Variants in RHOQ observed in about 807,000 individuals in gnomAD.
RHOQ encodes the protein ras homolog family member Q, also known as rho-related GTP-binding protein RhoQ.
In RHOQ, 7 loss-of-function variants were observed where a neutral mutation model predicts 25.8. The ratio of observed to expected loss-of-function variants is 0.27; its 90% CI spans 0.15 to 0.51. The LOEUF (loss-of-function observed/expected upper bound fraction) is 0.51, where lower values mean the gene tolerates loss of function less well. RHOQ is among the 20% of genes least tolerant of loss of function. RHOQ has a pLI of 0.97. For missense variants in RHOQ, 165 were observed against 260.6 expected, an observed-to-expected ratio of 0.63 and a Z score of 2.53; for synonymous variants, 97 against 98.6, an observed-to-expected ratio of 0.98 and a Z score of 0.10.
At chr2:46,567,383 TTTCTTTTTC>T (rs927785014) in intron 2 of RHOQ, among the ~76,000 whole-genome samples, 32 of 152,138 alleles carry the variant, frequency 2.1e-4, no homozygotes, top group African/African-American at 7.2e-4. Context: ...ATGTTTGTTT[TTTCTTTTTC>T]TTCTTTTTTT....
In RHOQ at chr2:46,583,775, C is replaced by A. The variant is rs889865713; in HGVS notation, c.*2692C>A. ...ACTAGTGAAATATCTGGGAAATAAA[C>A]TGCTTCAAAAATATTTTACTGACAT... On this transcript the variant is annotated 3_prime_UTR_variant, in exon 5 of 5. Transcript: ENST00000238738. 5.9e-5 allele frequency among the ~76,000 whole-genome samples: 9 copies of A among 152,110 alleles called. No individual in the cohort carries two copies. Among genetic ancestry groups the A allele is most frequent in the African/African-American group, 2.2e-4 (9 of 41,440 alleles).
intron 1 of RHOQ, 138 bp downstream of exon 1, chr2:46,543,326 C>T: frequency 2.2e-6 from 2 of 911,102 alleles, no homozygotes; most frequent in East Asian, 2.7e-5. Flanking sequence ...AGGCGGCCGG[C>T]CCCACCCCCG....
At chr2:46,553,252 A>C (rs1668297020) in intron 2 of RHOQ, among the ~76,000 whole-genome samples, 1 of 150,416 alleles carries the variant, frequency 6.6e-6, no homozygotes, top group Non-Finnish European at 1.5e-5. Context: ...CCTCCCTACC[A>C]CATCCACCGC....
At chr2:46,564,538 G>A (rs572671182) in intron 2 of RHOQ, among the ~76,000 whole-genome samples, 8 of 152,286 alleles carry the variant, frequency 5.3e-5, no homozygotes, top group South Asian at 2.1e-4. Flanking sequence ...CACTGTATGC[G>A]TTTATTTGGC....
intron 2 of RHOQ, among the ~76,000 whole-genome samples, chr2:46,544,371 C>G (rs1483375223): frequency 6.6e-6 from 1 of 152,194 alleles, no homozygotes; most frequent in Non-Finnish European, 1.5e-5. Context: ...AAACAACAAC[C>G]ATGTAGCCAC....
chr2:46,561,046 C>T (rs951621249), intron 2 of RHOQ, among the ~76,000 whole-genome samples: 1 of 146,720 alleles, frequency 6.8e-6, no homozygotes, highest in African/African-American at 2.5e-5. Flanking sequence ...ACACACAAAA[C>T]CTGTATATAG....
intron 2 of RHOQ, among the ~76,000 whole-genome samples, chr2:46,574,549 G>A (rs541932731): frequency 2.0e-5 from 3 of 152,118 alleles, no homozygotes; most frequent in South Asian, 4.2e-4. Context: ...TAACACCAGG[G>A]CACTGCTTTA....
chr2:46,549,545 C>A (rs1668175843), intron 2 of RHOQ, among the ~76,000 whole-genome samples: 1 of 152,172 alleles, frequency 6.6e-6, no homozygotes, highest in African/African-American at 2.4e-5. Context: ...GAGAGGGACG[C>A]AGTTACAAAG....
chr2:46,572,908 T>C (rs374599360), intron 2 of RHOQ: 95 of 361,176 alleles, frequency 2.6e-4, no homozygotes, highest in African/African-American at 1.9e-3. Flanking sequence ...TCATATTAAA[T>C]TCACACAGGA....
intron 2 of RHOQ, among the ~76,000 whole-genome samples, chr2:46,547,984 A>G (rs1668126070): frequency 6.6e-6 from 1 of 152,182 alleles, no homozygotes; most frequent in African/African-American, 2.4e-5. Flanking sequence ...ACTGAAGCCC[A>G]GTTTATTCAG....
chr2:46,550,102 A>T (rs1668196009), intron 2 of RHOQ, among the ~76,000 whole-genome samples: 2 of 152,028 alleles, frequency 1.3e-5, no homozygotes, highest in African/African-American at 2.4e-5. Flanking sequence ...GTGGTAATGC[A>T]TGCCTCTGTA....
chr2:46,546,688 A>G (rs1473504926), intron 2 of RHOQ, among the ~76,000 whole-genome samples: 2 of 151,562 alleles, frequency 1.3e-5, no homozygotes. Flanking sequence ...TAGAATCTGC[A>G]TTACAAGGTC....
At position 46,576,348 on chromosome 2, in the gene RHOQ, G is replaced by T. The variant is rs1572756980; in HGVS notation, c.366+97G>T. The T allele has an allele frequency of 8.9e-7, 1 of 1,123,328 alleles. No homozygotes were observed. The highest frequency in any genetic ancestry group is 1.3e-6 in the Non-Finnish European group (1 of 780,666). The allele number at this position is 1,123,328 out of a possible 1,614,324, so 69.6% of individuals were successfully genotyped here. ...ACAGTCCCAAAGCTGAGCAAATGAT[G>T]TAAGTGTTTAATCTCAGCTGCAAGT... On this transcript the variant is annotated intron_variant, in intron 3 of 4. Transcript: ENST00000238738. The surrounding 1 kb of genome is among the most constrained non-coding windows in gnomAD (Gnocchi z 5.1).
chr2:46,557,447 G>A (rs775752737), intron 2 of RHOQ, among the ~76,000 whole-genome samples: 23 of 152,044 alleles, frequency 1.5e-4, no homozygotes, highest in Middle Eastern at 6.8e-3. Flanking sequence ...GAAAAAGCAG[G>A]AATCAAAACC....
intron 2 of RHOQ, among the ~76,000 whole-genome samples, chr2:46,567,395 CTT>C (rs939218964): frequency 6.9e-6 from 1 of 145,500 alleles, no homozygotes; most frequent in Admixed American, 6.8e-5. Context: ...TCTTTTTCTT[CTT>C]TTTTTTTTTT....
intron 2 of RHOQ, among the ~76,000 whole-genome samples, chr2:46,547,988 T>A (rs1196464726): frequency 6.6e-6 from 1 of 152,200 alleles, no homozygotes; most frequent in African/African-American, 2.4e-5. Context: ...AAGCCCAGTT[T>A]ATTCAGGTCC....
Position 46,566,008 on chromosome 2 carries a change from G to T in RHOQ, c.202-10079G>T, listed in dbSNP as rs867311967. Among the ~76,000 whole-genome samples the T allele has an allele frequency of 6.6e-6, 1 of 152,196 alleles. No individual in the cohort carries two copies. The highest frequency in any genetic ancestry group is 1.5e-5 in the Non-Finnish European group (1 of 68,044). ...AGACTCAAGCCTGGAAGATGAGTAG[G>T]AGCTCCCAGGTGAAGAAATACGGAG... On this transcript the variant is annotated intron_variant, in intron 2 of 4. Coordinates refer to ENST00000238738, the MANE Select transcript of RHOQ (RefSeq NM_012249.4). The surrounding 1 kb of genome is among the most constrained non-coding windows in gnomAD (Gnocchi z 4.2).
intron 2 of RHOQ, among the ~76,000 whole-genome samples, chr2:46,563,350 G>A (rs897042337): frequency 2.0e-5 from 3 of 152,214 alleles, no homozygotes; most frequent in African/African-American, 7.2e-5. Context: ...GGCTGATGGT[G>A]AAGAGTCAGT....
At chr2:46,578,738 A>G (rs1407369820) in intron 4 of RHOQ, among the ~76,000 whole-genome samples, 1 of 152,050 alleles carries the variant, frequency 6.6e-6, no homozygotes, top group Non-Finnish European at 1.5e-5. Flanking sequence ...CCTGGATGAC[A>G]GAGTGAGACC....
Sources: gnomAD v4.1 joint callset for allele counts (sites outside exome capture counted in the v4.1 genomes callset) on GRCh38, gnomAD v4.1.1 for gene constraint, Gnocchi (gnomAD v3.1) non-coding constraint, MANE v1.5 for transcripts, NCBI Gene and HGNC (gene_info 2026-07-23, HGNC 2026-07-21) for gene names.